Variants in ZDBF2 observed in about 807,000 individuals in gnomAD.
ZDBF2 encodes the protein zinc finger DBF-type containing 2, also known as DBF4-type zinc finger-containing protein 2.
ZDBF2 carries 6 observed loss-of-function variants against 9.4 expected under a neutral mutation model. The observed-to-expected ratio is 0.64, with a 90% CI of 0.35 to 1.27. The LOEUF is 1.27. ZDBF2 is among the 50% of genes most tolerant of loss of function. ZDBF2 has a pLI of 0.03. For missense variants in ZDBF2, 2,697 were observed against 2,766.8 expected (o/e 0.97, Z 0.57); for synonymous variants, 905 against 946.3 (o/e 0.96, Z 0.80).
Position 206,274,806 on chromosome 2 carries a change from C to T in ZDBF2, c.-243C>T, listed in dbSNP as rs1265273662. The T allele has an allele frequency of 1.3e-5, 2 of 152,196 alleles. No individual in the cohort carries two copies. Among genetic ancestry groups the T allele is most frequent in the Admixed American group, 1.3e-4 (2 of 15,294 alleles). The allele number at this position is 152,196 out of a possible 1,614,324, so 9.4% of individuals were successfully genotyped here. ...AGGGGCCGAAGTCGCCTATTTCTGG[C>T]TCCGCGGGCAGCGGGGCCGTGGCGC... is the stretch of plus-strand genomic sequence containing the variant. On this transcript the variant is annotated 5_prime_UTR_variant, in exon 1 of 5. Transcript: ENST00000374423.
Position 206,305,055 on chromosome 2 carries a change from ACTTGGTACGCCC to A in ZDBF2, c.529_540del (p.Leu177_Pro180del). 6.2e-7 allele frequency: 1 copy of A among 1,613,808 alleles called. No homozygotes were observed. Among genetic ancestry groups the A allele is most frequent in the Non-Finnish European group, 8.5e-7 (1 of 1,179,804 alleles). On this transcript the variant is annotated inframe_deletion, in exon 5 of 5. Transcript: ENST00000374423. The stretch of plus-strand genomic sequence containing the variant: ...GGTCAGGCTACAAATAATAGAAGCA[ACTTGGTACGCCC>A]CCCAGTGATTTGTAATGCTCCTGCT...
In ZDBF2 at chr2:206,310,658, A is replaced by C. The variant is rs760294598; in HGVS notation, c.6130A>C (p.Lys2044Gln). The change falls in exon 5 of 5, where the codon AAA becomes CAA. Residue 2044 changes from lysine to glutamine, a missense_variant. By Grantham distance (53) the Lys-to-Gln change is moderately conservative. This residue lies in a region of ZDBF2 where 1,783 missense variants were observed against 1,776.5 expected (regional missense o/e 1.00). Coordinates refer to ENST00000374423, the MANE Select transcript of ZDBF2 (RefSeq NM_020923.3). ...SWDNDIRFIC[K>Q]YKRNIFDYYE... ...GGATAATGATATTCGGTTTATATGC[A>C]AATATAAACGGAATATCTTTGATTA... 2.1e-5 allele frequency: 34 copies of C among 1,610,496 alleles called. No homozygotes were observed. Among genetic ancestry groups the C allele is most frequent in the Non-Finnish European group, 2.9e-5 (34 of 1,178,178 alleles).
chr2:206,306,622 T>C lies in ZDBF2; in HGVS notation c.2094T>C (p.Ser698=), dbSNP rs1692815884. The C allele has an allele frequency of 2.5e-6, 4 of 1,613,580 alleles. No individual in the cohort carries two copies. The highest frequency in any genetic ancestry group is 1.6e-4 in the Middle Eastern group (1 of 6,062). The change falls in exon 5 of 5, where the codon AGT becomes AGC. Residue 698 remains serine, a synonymous_variant. Transcript: ENST00000374423. ...TGGATGTTGACCTTGAGAATAAGAG[T>C]GTTCAGTCTAGCCGTTCTTCTCTGA... ...QKVDVDLENK[S]VQSSRSSLSS...
chr2:206,282,021 A>G (rs878907233), intron 3 of ZDBF2, 112 bp downstream of exon 3: 32 of 986,470 alleles, frequency 3.2e-5, no homozygotes, highest in South Asian at 1.7e-4. Context: ...TTGGGAATCT[A>G]TTAGTTGGCA....
intron 1 of ZDBF2, among the ~76,000 whole-genome samples, chr2:206,278,741 C>T (rs1249354482): frequency 2.6e-5 from 4 of 152,272 alleles, no homozygotes; most frequent in Admixed American, 2.0e-4. Flanking sequence ...GTTAAAAAAC[C>T]GTATCCACAG....
chr2:206,297,328 T>C lies in ZDBF2; in HGVS notation c.143T>C (p.Leu48Ser), dbSNP rs1692238440. 1 of 1,613,814 alleles carries C rather than the reference T, an allele frequency of 6.2e-7. No homozygotes were observed. The highest frequency in any genetic ancestry group is 1.3e-5 in the African/African-American group (1 of 75,044). The change falls in exon 4 of 5, where the codon TTA becomes TCA. Residue 48 changes from leucine (L) to serine (S), a missense_variant. By Grantham distance (145) the Leu-to-Ser change is moderately radical. Coordinates refer to ENST00000374423, the MANE Select transcript of ZDBF2 (RefSeq NM_020923.3). Reference sequence around the variant, plus strand: ...ACCAGTAGTTTGATGGAACGTTTCTTACAGGATGTACTGCAGCACCACCCA... The same window carrying C: ...ACCAGTAGTTTGATGGAACGTTTCTCACAGGATGTACTGCAGCACCACCCA... ...ICTSSLMERF[L>S]QDVLQHHPYH...
chr2:206,276,309 A>G (rs901657141), intron 1 of ZDBF2, among the ~76,000 whole-genome samples: 2 of 152,072 alleles, frequency 1.3e-5, no homozygotes, highest in African/African-American at 4.8e-5. Flanking sequence ...TTTGTGAAAA[A>G]TCTTTTAAGT....
chr2:206,309,858 C>T lies in ZDBF2; in HGVS notation c.5330C>T (p.Ser1777Phe). 1 of 1,613,908 alleles carries T rather than the reference C, an allele frequency of 6.2e-7. No individual in the cohort carries two copies. Among genetic ancestry groups the T allele is most frequent in the Non-Finnish European group, 8.5e-7 (1 of 1,179,890 alleles). The change falls in exon 5 of 5, where the codon TCT becomes TTT. Residue 1777 changes from serine to phenylalanine, a missense_variant. By Grantham distance (155) the Ser-to-Phe change is radical (BLOSUM62 -2). This residue lies in a region of ZDBF2 where 1,783 missense variants were observed against 1,776.5 expected (regional missense o/e 1.00). Coordinates refer to ENST00000374423, the MANE Select transcript of ZDBF2 (RefSeq NM_020923.3). ...AAAAGACACCCTTGTAAGAAGGTAT[C>T]TTCTGACTTGAAAGAAAAGAACCAT... ...VKKRHPCKKV[S>F]SDLKEKNHDS... is the part of the protein sequence containing the mutation.
chr2:206,308,513 A>G lies in ZDBF2; in HGVS notation c.3985A>G (p.Ile1329Val), dbSNP rs1474819456. ...GGGCTATGTGCCCAGTGATTCTGAA[A>G]TAATTTATGTTTCAAATATCCCTCT... ...DKGYVPSDSE[I>V]IYVSNIPLQS... Residue 1329 changes from isoleucine to valine, a missense_variant, in exon 5 of 5, where the codon ATA (isoleucine) becomes GTA (valine). By Grantham distance (29) the Ile-to-Val change is conservative (BLOSUM62 3). This residue lies in a region of ZDBF2 where 1,783 missense variants were observed against 1,776.5 expected (regional missense o/e 1.00). Transcript: ENST00000374423. 6.2e-7 allele frequency: 1 copy of G among 1,612,988 alleles called. No homozygotes were observed. Among genetic ancestry groups the G allele is most frequent in the Non-Finnish European group, 8.5e-7 (1 of 1,179,710 alleles).
intron 3 of ZDBF2, among the ~76,000 whole-genome samples, chr2:206,291,218 T>A (rs1021881071): frequency 6.6e-6 from 1 of 151,940 alleles, no homozygotes; most frequent in South Asian, 2.1e-4. Context: ...ACAGATGGGG[T>A]GGAGGGGTGG....
At position 206,307,801 on chromosome 2, in the gene ZDBF2, TA is replaced by T; in HGVS notation, c.3280del (p.Ile1094Ter). 2 of 1,610,076 alleles carry T rather than the reference TA, an allele frequency of 1.2e-6. No individual in the cohort carries two copies. The highest frequency in any genetic ancestry group is 1.7e-5 in the Admixed American group (1 of 59,108). On this transcript the variant is annotated frameshift_variant, in exon 5 of 5. Transcript: ENST00000374423. LOFTEE classifies it low-confidence loss of function (END_TRUNC). Reference protein sequence around the residue: ...FDSEQLQEAVKKIDQWKEEVI... With the variant: ...FDSEQLQEAVXKIDQWKEEVI... Reference sequence around the variant, plus strand: ...ATTCTGAACAACTTCAGGAAGCGGTTAAAAAAATAGACCAATGGAAGGAAGA... The same window carrying T: ...ATTCTGAACAACTTCAGGAAGCGGTTAAAAAATAGACCAATGGAAGGAAGA...
chr2:206,282,109 T>C (rs1305148256), intron 3 of ZDBF2, among the ~76,000 whole-genome samples, 200 bp downstream of exon 3: 1 of 152,190 alleles, frequency 6.6e-6, no homozygotes, highest in Non-Finnish European at 1.5e-5. Context: ...TATTCTAGTA[T>C]AGTAAGACAG....
At position 206,311,187 on chromosome 2, in the gene ZDBF2, G is replaced by A. The variant is rs2105973278; in HGVS notation, c.6659G>A (p.Ser2220Asn). The change falls in exon 5 of 5, where the codon AGT becomes AAT. Residue 2220 changes from serine to asparagine, a missense_variant. Physicochemically the swap from Ser to Asn is conservative, Grantham distance 46 (BLOSUM62 1). Around this residue, in one of 3 missense-constraint regions of ZDBF2, gnomAD observed 1,783 missense variants for 1,776.5 expected, o/e 1.00. Transcript: ENST00000374423. ...KQSIWIRTKPSDIIRKYISKY... is the reference protein window; with the variant it reads ...KQSIWIRTKPNDIIRKYISKY... ...TCAATTTGGATTCGGACCAAACCAAGTGATATCATTAGAAAGTATATTTCG... is the reference window on the plus strand; with the variant it reads ...TCAATTTGGATTCGGACCAAACCAAATGATATCATTAGAAAGTATATTTCG... 3.1e-6 allele frequency: 5 copies of A among 1,612,960 alleles called. No individual in the cohort carries two copies. Among genetic ancestry groups the A allele is most frequent in the East Asian group, 2.2e-5 (1 of 44,888 alleles).
rs1692882356 is a variant in ZDBF2 at position 206,307,600 on chromosome 2, G to A, written c.3072G>A (p.Lys1024=). ...TAGCTGTTAACAAAATAAACAGAAAGAAGCAATATGTTCTAGAAAACAAGA... is the reference window on the plus strand; with the variant it reads ...TAGCTGTTAACAAAATAAACAGAAAAAAGCAATATGTTCTAGAAAACAAGA... ...PQVAVNKINR[K]KQYVLENKND... The change falls in exon 5 of 5, where the codon AAG becomes AAA. Residue 1024 remains lysine (K), a synonymous_variant. Transcript: ENST00000374423. 1 of 1,612,278 alleles carries A rather than the reference G, an allele frequency of 6.2e-7. No homozygotes were observed. The highest frequency in any genetic ancestry group is 8.5e-7 in the Non-Finnish European group (1 of 1,179,364).
chr2:206,299,399 G>A (rs1032104903), intron 4 of ZDBF2, among the ~76,000 whole-genome samples: 35 of 151,830 alleles, frequency 2.3e-4, no homozygotes, highest in East Asian at 3.9e-4. Context: ...GGCCAGGTGC[G>A]GTGGCTCACG....
chr2:206,309,984 C>A lies in ZDBF2; in HGVS notation c.5456C>A (p.Ala1819Asp), dbSNP rs373723284. The A allele has an allele frequency of 2.9e-5, 46 of 1,612,818 alleles. No homozygotes were observed. Among genetic ancestry groups the A allele is most frequent in the Admixed American group, 1.2e-4 (7 of 59,808 alleles). The change falls in exon 5 of 5, where the codon GCC (alanine) becomes GAC (aspartate). Residue 1819 changes from alanine to aspartate, a missense_variant. By Grantham distance (126) the Ala-to-Asp change is moderately radical (BLOSUM62 -2). Around this residue, in one of 3 missense-constraint regions of ZDBF2, gnomAD observed 1,783 missense variants for 1,776.5 expected, o/e 1.00. Transcript: ENST00000374423. The part of the protein sequence containing the change: ...EDNPDEPVLE[A>D]LPHVPPSFVG... ...AATCCTGATGAACCAGTTCTTGAAG[C>A]CTTGCCTCATGTACCTCCTTCATTT...
chr2:206,307,350 A>T lies in ZDBF2; in HGVS notation c.2822A>T (p.His941Leu). 2.5e-6 allele frequency: 4 copies of T among 1,613,214 alleles called. No individual in the cohort carries two copies. The highest frequency in any genetic ancestry group is 3.4e-6 in the Non-Finnish European group (4 of 1,179,684). ...GATCCCATTAAAGAAATAAGCCTTC[A>T]CACAAAAGAGCACATGTACTTAGAA... ...SEDPIKEISL[H>L]TKEHMYLENK... The change falls in exon 5 of 5, where the codon CAC (histidine) becomes CTC (leucine). Residue 941 changes from histidine to leucine, a missense_variant. This residue lies in a region of ZDBF2 where 1,783 missense variants were observed against 1,776.5 expected (regional missense o/e 1.00). Coordinates refer to ENST00000374423, the MANE Select transcript of ZDBF2 (RefSeq NM_020923.3).
chr2:206,308,029 G>T lies in ZDBF2; in HGVS notation c.3501G>T (p.Leu1167Phe). The T allele has an allele frequency of 6.2e-7, 1 of 1,613,914 alleles. No individual in the cohort carries two copies. The highest frequency in any genetic ancestry group is 8.5e-7 in the Non-Finnish European group (1 of 1,179,840). ...CSEMNLDSGF[L>F]GQSIVNRPQI... ...AAATGAATTTGGATTCTGGTTTCTT[G>T]GGTCAGTCAATAGTCAATCGACCTC... The change falls in exon 5 of 5, where the codon TTG becomes TTT. Residue 1167 changes from leucine (L) to phenylalanine (F), a missense_variant. Physicochemically the swap from Leu to Phe is conservative, Grantham distance 22. Around this residue, in one of 3 missense-constraint regions of ZDBF2, gnomAD observed 1,783 missense variants for 1,776.5 expected, o/e 1.00. Coordinates refer to ENST00000374423, the MANE Select transcript of ZDBF2 (RefSeq NM_020923.3).
chr2:206,288,089 A>G (rs1015785627), intron 3 of ZDBF2, among the ~76,000 whole-genome samples: 1 of 152,058 alleles, frequency 6.6e-6, no homozygotes, highest in South Asian at 2.1e-4. Flanking sequence ...TGAGGAAGTT[A>G]TGTTCCTTTG....
Sources: gnomAD v4.1 joint callset for allele counts (sites outside exome capture counted in the v4.1 genomes callset) on GRCh38, gnomAD v4.1.1 for gene constraint, gnomAD v4.1.1 regional missense constraint, MANE v1.5 for transcripts, NCBI Gene and HGNC (gene_info 2026-07-23, HGNC 2026-07-21) for gene names.